Variants in PIWIL2 observed in about 807,000 individuals in gnomAD.
The protein encoded by PIWIL2 is piwi-like protein 2.
In PIWIL2, 81 loss-of-function variants were observed where a neutral mutation model predicts 116.5. The ratio of observed to expected loss-of-function variants is 0.70; its 90% confidence interval spans 0.58 to 0.84. The LOEUF (loss-of-function observed/expected upper bound fraction) is 0.84, where lower values mean the gene tolerates loss of function less well. Ranked by LOEUF, PIWIL2 falls within the 40% of genes least tolerant of loss-of-function variation. The probability of loss-of-function intolerance (pLI) is 0.00; values close to 1 mark genes in which losing one functional copy is unlikely to be tolerated. For synonymous variants in PIWIL2, 489 were observed against 429.5 expected, an observed-to-expected ratio of 1.14 and a Z score of -1.71; for missense variants, 1,272 against 1,212.3, an observed-to-expected ratio of 1.05 and a Z score of -0.73.
intron 19 of PIWIL2, among the ~76,000 whole-genome samples, chr8:22,317,541 G>C (rs1439643215): frequency 1.3e-5 from 2 of 151,614 alleles, no homozygotes; most frequent in Admixed American, 6.6e-5. Flanking sequence ...TTTATTCTGT[G>C]TATCATTATT....
intron 22 of PIWIL2, among the ~76,000 whole-genome samples, chr8:22,355,022 A>G (rs1832457393): frequency 6.6e-6 from 1 of 151,298 alleles, no homozygotes; most frequent in South Asian, 2.1e-4. Context: ...GTGAGCAGAG[A>G]TTGTGCCATT....
Position 22,280,153 on chromosome 8 carries a change from C to T in PIWIL2, c.198+569C>T, listed in dbSNP as rs576322088. ...TAGGTCCTCTAGCTTCCGATCATCCCTCCATCCCTCCATCTGTAATTGTTA... is the reference window on the plus strand; with the variant it reads ...TAGGTCCTCTAGCTTCCGATCATCCTTCCATCCCTCCATCTGTAATTGTTA... On this transcript the variant is annotated intron_variant, in intron 2 of 22. Coordinates refer to ENST00000356766, the MANE Select transcript of PIWIL2 (RefSeq NM_018068.5). Among the ~76,000 whole-genome samples, 24 of 152,326 alleles carry T rather than the reference C, an allele frequency of 1.6e-4. No individual in the cohort carries two copies. In the East Asian group the frequency reaches 4.2e-3, roughly 27 times the overall value.
chr8:22,347,451 T>C (rs1832253743), intron 20 of PIWIL2, among the ~76,000 whole-genome samples: 2 of 151,396 alleles, frequency 1.3e-5, no homozygotes, highest in African/African-American at 4.8e-5. Context: ...TCTCCTGACC[T>C]TGTGATCTGC....
At position 22,352,939 on chromosome 8, in the gene PIWIL2, C is replaced by T; in HGVS notation, c.2404-20C>T. On this transcript the variant is annotated intron_variant, in intron 20 of 22. Transcript: ENST00000356766. ...AGCCTGAGGGCTCTGTGAGTCACCA[C>T]ATCCTCGCTGTCATTTCAGGTGAAC... 2 of 1,599,188 alleles carry T rather than the reference C, an allele frequency of 1.3e-6. No individual in the cohort carries two copies. Among genetic ancestry groups the T allele is most frequent in the Non-Finnish European group, 1.7e-6 (2 of 1,170,690 alleles).
In PIWIL2 at chr8:22,307,473, A is replaced by AATTTTTTTTTTTTTTTTTT. The variant is rs1563379262; in HGVS notation, c.1546-460_1546-459insATTTTTTTTTTTTTTTTTT. ...GACATTTGAAATTCTTTTATTATTCATTTTTTTTTTTTTTTTTTTTTTTTT... is the reference window on the plus strand; with the variant it reads ...GACATTTGAAATTCTTTTATTATTCAATTTTTTTTTTTTTTTTTTTTTTTTTTTTTTTTTTTTTTTTTTT... On this transcript the variant is annotated intron_variant, in intron 13 of 22. Transcript: ENST00000356766. Among the ~76,000 whole-genome samples the AATTTTTTTTTTTTTTTTTT allele has an allele frequency of 1.8e-5, 2 of 111,258 alleles. 1 individual carries two copies. 73.0% of individuals were successfully genotyped at this position (111,258 alleles called of 152,430 possible).
At position 22,351,790 on chromosome 8, in the gene PIWIL2, C is replaced by T. The variant is rs543903516; in HGVS notation, c.2404-1169C>T. 7.3e-5 allele frequency among the ~76,000 whole-genome samples: 11 copies of T among 150,558 alleles called. 1 individual carries two copies. Among genetic ancestry groups the T allele is most frequent in the African/African-American group, 1.5e-4 (6 of 41,050 alleles). ...CTGACCTCAGGTGATCCACCCACCTCGGCCTCTGAGAGTGCTGGGATTACA... is the reference window on the plus strand; with the variant it reads ...CTGACCTCAGGTGATCCACCCACCTTGGCCTCTGAGAGTGCTGGGATTACA... On this transcript the variant is annotated intron_variant, in intron 20 of 22. Transcript: ENST00000356766.
chr8:22,288,756 A>G, intron 8 of PIWIL2, 90 bp downstream of exon 8: 1 of 1,190,310 alleles, frequency 8.4e-7, no homozygotes, highest in Non-Finnish European at 1.2e-6. Flanking sequence ...GAAATACGTG[A>G]CAGTATATTC....
intron 20 of PIWIL2, among the ~76,000 whole-genome samples, chr8:22,323,883 C>T (rs974332390): frequency 4.6e-5 from 7 of 152,014 alleles, no homozygotes; most frequent in Non-Finnish European, 8.8e-5. Flanking sequence ...AGTAACATGG[C>T]TTTACCCCTT....
chr8:22,320,939 T>C (rs1014961822), intron 20 of PIWIL2, among the ~76,000 whole-genome samples: 2 of 152,148 alleles, frequency 1.3e-5, no homozygotes, highest in Non-Finnish European at 2.9e-5. Flanking sequence ...GCACAGGGAC[T>C]GTCTTGATTC....
At chr8:22,318,130 C>G (rs1002887856) in intron 19 of PIWIL2, 40 bp from the exon 20 acceptor site, 1 of 1,293,382 alleles carries the variant, frequency 7.7e-7, no homozygotes, top group Admixed American at 1.7e-5. Context: ...AGCATTTGTT[C>G]ATCTTCCTTT....
chr8:22,280,744 A>C (rs1235955343), intron 2 of PIWIL2, among the ~76,000 whole-genome samples: 1 of 152,218 alleles, frequency 6.6e-6, no homozygotes, highest in African/African-American at 2.4e-5. Context: ...TCTTGCCTTG[A>C]ATATGCAGAA....
chr8:22,288,558 G>C lies in PIWIL2; in HGVS notation c.878G>C (p.Ser293Thr). 1 of 1,613,042 alleles carries C rather than the reference G, an allele frequency of 6.2e-7. No individual in the cohort carries two copies. Among genetic ancestry groups the C allele is most frequent in the South Asian group, 1.1e-5 (1 of 91,028 alleles). ...VKLQQVLELK[S>T]QRKTDSAEIS... ...ATTTGTTAGGTTCTTGAGTTAAAAA[G>C]TCAAAGGAAAACAGACAGTGCTGAA... Residue 293 changes from serine to threonine, a missense_variant, in exon 8 of 23, where the codon AGT (serine) becomes ACT (threonine). Physicochemically the swap from Ser to Thr is moderately conservative, Grantham distance 58. Coordinates refer to ENST00000356766, the MANE Select transcript of PIWIL2 (RefSeq NM_018068.5).
At chr8:22,349,580 C>G (rs1235473625) in intron 20 of PIWIL2, among the ~76,000 whole-genome samples, 1 of 152,014 alleles carries the variant, frequency 6.6e-6, no homozygotes, top group Non-Finnish European at 1.5e-5. Context: ...TCCCAGGTCT[C>G]CTGACCCCAA....
chr8:22,346,001 T>C (rs1832218680), intron 20 of PIWIL2, among the ~76,000 whole-genome samples: 1 of 152,074 alleles, frequency 6.6e-6, no homozygotes, highest in Non-Finnish European at 1.5e-5. Context: ...GTTCTAAAAT[T>C]AGATAGTGGT....
At chr8:22,345,978 G>A (rs141739312) in intron 20 of PIWIL2, among the ~76,000 whole-genome samples, 11 of 152,250 alleles carry the variant, frequency 7.2e-5, no homozygotes, top group African/African-American at 2.6e-4. Context: ...AAATCTTTTG[G>A]GGTGATCAAT....
intron 13 of PIWIL2, among the ~76,000 whole-genome samples, chr8:22,306,284 A>G (rs6993855): frequency 0.55 from 83,280 of 152,142 alleles, 23,545 homozygotes; most frequent in East Asian, 0.81. Context: ...AAGAAGAAAC[A>G]AACAACTCTG....
Position 22,355,319 on chromosome 8 carries a change from T to C in PIWIL2, c.2766-30T>C, listed in dbSNP as rs200229075. 1.8e-5 allele frequency: 29 copies of C among 1,610,182 alleles called. No individual in the cohort carries two copies. The East Asian group carries it at 6.2e-4, about 35-fold the overall frequency. On this transcript the variant is annotated intron_variant, in intron 22 of 22. Coordinates refer to ENST00000356766, the MANE Select transcript of PIWIL2 (RefSeq NM_018068.5). Reference sequence around the variant, plus strand: ...GCCACAAATTGAAGGTGGGGGATGATGAGAATTATATTTTCTTCTTGGCCT... The same window carrying C: ...GCCACAAATTGAAGGTGGGGGATGACGAGAATTATATTTTCTTCTTGGCCT...
chr8:22,340,902 AG>A (rs1417901629), intron 20 of PIWIL2, among the ~76,000 whole-genome samples: 2 of 152,052 alleles, frequency 1.3e-5, no homozygotes, highest in African/African-American at 4.8e-5. Flanking sequence ...TTGTAAAGAC[AG>A]GGTCTCACAG....
intron 10 of PIWIL2, among the ~76,000 whole-genome samples, chr8:22,295,566 C>T (rs1477243058): frequency 6.6e-6 from 1 of 151,466 alleles, no homozygotes; most frequent in Non-Finnish European, 1.5e-5. Context: ...CCCGTTATGT[C>T]ACACATGGAC....
Sources: allele counts gnomAD v4.1 joint callset (sites outside exome capture counted in the v4.1 genomes callset), GRCh38; gene constraint gnomAD v4.1.1; transcripts MANE v1.5; gene names NCBI Gene and HGNC (gene_info 2026-07-23, HGNC 2026-07-21).